VPS13A: variants seen among roughly 807,000 people sequenced by gnomAD.
VPS13A encodes the protein vacuolar protein sorting 13 homolog A.
Under a neutral mutation model 390.9 loss-of-function variants are expected in VPS13A, and 264 were observed. The ratio of observed to expected loss-of-function variants is 0.68; its 90% CI spans 0.61 to 0.75. The LOEUF (loss-of-function observed/expected upper bound fraction) is 0.75, where lower values mean the gene tolerates loss of function less well. Ranked by LOEUF, VPS13A falls within the 30% of genes least tolerant of loss-of-function variation. The pLI, the probability that VPS13A is intolerant of heterozygous loss-of-function variation, is 0.00. For synonymous variants in VPS13A, 1,231 were observed against 1,227.1 expected, an observed-to-expected ratio of 1.00 and a Z score of -0.07; for missense variants, 3,409 against 3,733.9, an observed-to-expected ratio of 0.91 and a Z score of 2.27.
At chr9:77,347,785 C>A (rs1831235116) in intron 52 of VPS13A, among the ~76,000 whole-genome samples, 1 of 151,962 alleles carries the variant, frequency 6.6e-6, no homozygotes, top group South Asian at 2.1e-4. Flanking sequence ...TTACCCATTT[C>A]TTTAAAAATA....
intron 68 of VPS13A, chr9:77,382,383 A>G (rs2131614952): frequency 6.8e-7 from 1 of 1,471,166 alleles, no homozygotes; most frequent in East Asian, 2.6e-5. Flanking sequence ...CTGTTTCAGT[A>G]TTTTGAATAC....
chr9:77,198,560 A>G (rs1370160208), intron 1 of VPS13A, among the ~76,000 whole-genome samples: 3 of 149,110 alleles, frequency 2.0e-5, no homozygotes, highest in African/African-American at 5.0e-5. Context: ...GCATGGGCTT[A>G]CTTTTTTTTA....
intron 23 of VPS13A, among the ~76,000 whole-genome samples, chr9:77,271,530 C>T (rs750587040): frequency 2.0e-5 from 3 of 152,026 alleles, no homozygotes; most frequent in Non-Finnish European, 4.4e-5. Context: ...TAGGGTTATT[C>T]ATAATAGTAA....
At chr9:77,201,791 G>A (rs1825344986) in intron 3 of VPS13A, among the ~76,000 whole-genome samples, 1 of 152,120 alleles carries the variant, frequency 6.6e-6, no homozygotes, top group African/African-American at 2.4e-5. Context: ...GTGACTAGGG[G>A]CCGATTTGAA....
chr9:77,185,144 T>C (rs796692563), intron 1 of VPS13A, among the ~76,000 whole-genome samples: 11 of 151,430 alleles, frequency 7.3e-5, no homozygotes, highest in African/African-American at 2.4e-4. Flanking sequence ...TATGACATTA[T>C]CTCTTTTTTT....
rs1835307261 is a variant in VPS13A, at chr9:77,420,362, AT to A, written c.*4358del. The A allele has an allele frequency of 6.6e-6, 1 of 152,140 alleles. No individual in the cohort carries two copies. 9.4% of individuals were successfully genotyped at this position (152,140 alleles called of 1,614,324 possible). A position where few individuals can be genotyped will look rare whatever the true frequency, so the allele number is the denominator to read the frequency against. ...TACAAACCTCACTCATGTTTCTTTT[AT>A]TGAAACCTTTTTCTACTTTATATTT... is the stretch of plus-strand genomic sequence containing the variant. On this transcript the variant is annotated 3_prime_UTR_variant, in exon 72 of 72. Transcript: ENST00000360280.
At chr9:77,264,677 G>T (rs1277247748) in intron 23 of VPS13A, among the ~76,000 whole-genome samples, 2 of 152,108 alleles carry the variant, frequency 1.3e-5, no homozygotes, top group African/African-American at 4.8e-5. Context: ...AGTTGCTTAT[G>T]AGCTTAAGGA....
chr9:77,183,244 C>T (rs376030703), intron 1 of VPS13A, among the ~76,000 whole-genome samples: 1 of 152,072 alleles, frequency 6.6e-6, no homozygotes, highest in Non-Finnish European at 1.5e-5. Flanking sequence ...GTAAAATACA[C>T]GTTAAAGTCT....
chr9:77,216,433 G>A (rs1822866019), intron 10 of VPS13A, among the ~76,000 whole-genome samples: 1 of 152,164 alleles, frequency 6.6e-6, no homozygotes, highest in South Asian at 2.1e-4. Flanking sequence ...TGACGATGCA[G>A]GAGAAACGGG....
rs894445194 is a variant in VPS13A, at chr9:77,396,959, A to G, written c.9190-6277A>G. Among the ~76,000 whole-genome samples the G allele has an allele frequency of 2.0e-5, 3 of 152,142 alleles. No individual in the cohort carries two copies. The East Asian group carries it at 5.8e-4, about 29-fold the overall frequency. ...TCTATATATTTTCTTGCTTGATAGT[A>G]TTCATTTTTATCTTTCATTTAGATG... On this transcript the variant is annotated intron_variant, in intron 68 of 71. Coordinates refer to ENST00000360280, the MANE Select transcript of VPS13A (RefSeq NM_033305.3).
intron 71 of VPS13A, among the ~76,000 whole-genome samples, chr9:77,410,911 T>C (rs1003831402): frequency 3.3e-5 from 5 of 152,126 alleles, no homozygotes; most frequent in African/African-American, 9.7e-5. Flanking sequence ...TATCCAGGAA[T>C]TGAACTCAGC....
chr9:77,209,344 A>T, intron 5 of VPS13A, 79 bp from the exon 6 acceptor site: 1 of 982,378 alleles, frequency 1.0e-6, no homozygotes, highest in Admixed American at 1.9e-5. Flanking sequence ...AGGCAACGTA[A>T]GCATGTTACT....
chr9:77,335,567 GA>G (rs1448969302), intron 46 of VPS13A, among the ~76,000 whole-genome samples: 1 of 152,148 alleles, frequency 6.6e-6, no homozygotes, highest in Non-Finnish European at 1.5e-5. Flanking sequence ...CTTCTCAAAA[GA>G]AGACATTTAT....
intron 5 of VPS13A, among the ~76,000 whole-genome samples, chr9:77,208,552 G>T (rs1344368980): frequency 6.6e-6 from 1 of 151,768 alleles, no homozygotes; most frequent in Non-Finnish European, 1.5e-5. Flanking sequence ...TTTATTCTTG[G>T]TTTTTCTTTT....
chr9:77,288,633 G>A (rs977216721), intron 31 of VPS13A, among the ~76,000 whole-genome samples: 7 of 152,136 alleles, frequency 4.6e-5, no homozygotes, highest in African/African-American at 9.6e-5. Context: ...GGGAGAAACC[G>A]TTTCAGTTCG....
At chr9:77,277,514 A>G (rs1207768144) in intron 26 of VPS13A, among the ~76,000 whole-genome samples, 1 of 152,180 alleles carries the variant, frequency 6.6e-6, no homozygotes, top group Non-Finnish European at 1.5e-5. Context: ...AATGACATGC[A>G]TCTACCATTA....
chr9:77,402,849 A>G (rs948821143), intron 68 of VPS13A, among the ~76,000 whole-genome samples: 2 of 152,228 alleles, frequency 1.3e-5, no homozygotes, highest in African/African-American at 4.8e-5. Context: ...TAAGTAATTT[A>G]TGTGATGCAT....
intron 9 of VPS13A, 38 bp from the exon 10 acceptor site, chr9:77,214,291 G>T: frequency 6.4e-7 from 1 of 1,574,524 alleles, no homozygotes; most frequent in South Asian, 1.1e-5. Flanking sequence ...AAGACATATT[G>T]GCATGAATAT....
intron 31 of VPS13A, 76 bp downstream of exon 31, chr9:77,283,726 T>C: frequency 8.2e-7 from 1 of 1,217,536 alleles, no homozygotes; most frequent in Non-Finnish European, 1.2e-6. Flanking sequence ...AGGTATCATT[T>C]GGACATTTGT....
Sources: allele counts gnomAD v4.1 joint callset (sites outside exome capture counted in the v4.1 genomes callset), GRCh38; gene constraint gnomAD v4.1.1; transcripts MANE v1.5; gene names NCBI Gene and HGNC (gene_info 2026-07-23, HGNC 2026-07-21).